RANBP17: variants seen among roughly 807,000 people sequenced by gnomAD.
RANBP17 encodes the protein ran-binding protein 17.
Under a neutral mutation model 141.2 loss-of-function variants are expected in RANBP17, and 158 were observed. The observed-to-expected ratio is 1.12, with a 90% CI of 0.98 to 1.28. The LOEUF (loss-of-function observed/expected upper bound fraction) is 1.28, where lower values mean the gene tolerates loss of function less well. RANBP17 is among the 50% of genes most tolerant of loss of function. The pLI, the probability that RANBP17 is intolerant of heterozygous loss-of-function variation, is 0.00. For synonymous variants in RANBP17, 430 were observed against 450.0 expected, an observed-to-expected ratio of 0.96 and a Z score of 0.56; for missense variants, 1,438 against 1,290.7, an observed-to-expected ratio of 1.11 and a Z score of -1.75.
intron 14 of RANBP17, among the ~76,000 whole-genome samples, chr5:171,061,976 T>G (rs1279426919): frequency 1.3e-5 from 2 of 152,094 alleles, no homozygotes; most frequent in Admixed American, 6.5e-5. Context: ...AGACTAGGAT[T>G]GCAACCCCTG....
chr5:171,005,123 A>C (rs1779499827), intron 14 of RANBP17, among the ~76,000 whole-genome samples: 1 of 152,182 alleles, frequency 6.6e-6, no homozygotes, highest in Admixed American at 6.5e-5. Context: ...GATAAAATGC[A>C]TATTAAGAAT....
At chr5:171,249,774 A>G (rs1263053100) in intron 24 of RANBP17, among the ~76,000 whole-genome samples, 7 of 152,200 alleles carry the variant, frequency 4.6e-5, no homozygotes, top group Admixed American at 3.3e-4. Context: ...GAAACAACAT[A>G]AAGTGATTGA....
intron 14 of RANBP17, among the ~76,000 whole-genome samples, chr5:171,134,925 TAAAATA>T (rs956271574): frequency 2.7e-5 from 4 of 148,396 alleles, no homozygotes; most frequent in African/African-American, 1.0e-4. Context: ...CTGTCTCAAA[TAAAATA>T]AAAATAAATT....
intron 14 of RANBP17, among the ~76,000 whole-genome samples, chr5:171,107,414 C>T (rs1349302258): frequency 6.6e-6 from 1 of 152,154 alleles, no homozygotes; most frequent in Non-Finnish European, 1.5e-5. Flanking sequence ...GTATTGAGTG[C>T]AAGCAACAAA....
At chr5:170,863,631 A>T (rs1767000706) in intron 1 of RANBP17, 1 of 152,222 alleles carries the variant, frequency 6.6e-6, no homozygotes, top group African/African-American at 2.4e-5. Context: ...ATGGATTGTA[A>T]ATAGGTAATC....
At chr5:171,176,515 G>A (rs560014373) in intron 16 of RANBP17, among the ~76,000 whole-genome samples, 13 of 152,174 alleles carry the variant, frequency 8.5e-5, no homozygotes, top group South Asian at 8.3e-4. Context: ...CCCTGCCCTC[G>A]TGGATTTTAA....
intron 14 of RANBP17, among the ~76,000 whole-genome samples, chr5:171,060,737 G>A (rs1783771479): frequency 6.6e-6 from 1 of 152,124 alleles, no homozygotes; most frequent in East Asian, 1.9e-4. Context: ...CAGGAGGAAT[G>A]GTACCAGTTC....
intron 14 of RANBP17, among the ~76,000 whole-genome samples, chr5:171,074,680 T>C (rs1386899556): frequency 1.3e-5 from 2 of 152,252 alleles, no homozygotes; most frequent in Non-Finnish European, 1.5e-5. Context: ...TGCAAATGAA[T>C]GAGCATCTCT....
rs1410928297 is a variant in RANBP17 at position 170,955,619 on chromosome 5, ATATATATATATATATATATATGCTCAGTG to A, written c.1574+1939_1574+1967del. 9.4e-3 allele frequency among the ~76,000 whole-genome samples: 134 copies of A among 14,324 alleles called. 2 individuals carry two copies. Among genetic ancestry groups the A allele is most frequent in the African/African-American group, 0.023 (128 of 5,512 alleles). 9.4% of individuals were successfully genotyped at this position (14,324 alleles called of 152,430 possible). On this transcript the variant is annotated intron_variant, in intron 13 of 27. Coordinates refer to ENST00000523189, the MANE Select transcript of RANBP17 (RefSeq NM_022897.5). ...ATATATATATATATATGCTCAGTGT[ATATATATATATATATATATATGCTCAGTG>A]TATATATATATATATATATATATAT...
chr5:170,892,148 T>TA (rs1491119334), intron 3 of RANBP17, among the ~76,000 whole-genome samples: 3 of 120,766 alleles, frequency 2.5e-5, no homozygotes, highest in African/African-American at 9.1e-5. Context: ...TTTTTTTTTT[T>TA]ACATTAAGTT....
chr5:171,007,689 C>T (rs181925951), intron 14 of RANBP17, among the ~76,000 whole-genome samples: 4 of 152,080 alleles, frequency 2.6e-5, no homozygotes, highest in Admixed American at 6.5e-5. Flanking sequence ...ATCTAGGTCT[C>T]GTAGGATGGA....
chr5:171,280,446 T>C (rs1289211012), intron 25 of RANBP17, among the ~76,000 whole-genome samples: 1 of 152,126 alleles, frequency 6.6e-6, no homozygotes, highest in Non-Finnish European at 1.5e-5. Context: ...CCCAGCTAAT[T>C]TTTTTGTATT....
intron 14 of RANBP17, among the ~76,000 whole-genome samples, chr5:171,055,672 G>A (rs190488084): frequency 6.6e-6 from 1 of 151,788 alleles, no homozygotes; most frequent in East Asian, 1.9e-4. Context: ...AGATAACTTG[G>A]GGCTTCTGGA....
chr5:171,091,639 G>A (rs1468174768), intron 14 of RANBP17, among the ~76,000 whole-genome samples: 1 of 152,194 alleles, frequency 6.6e-6, no homozygotes, highest in Non-Finnish European at 1.5e-5. Context: ...ATTCCCATGT[G>A]TTGTGGGAGG....
chr5:171,227,570 T>C (rs1219635740), intron 22 of RANBP17, among the ~76,000 whole-genome samples: 1 of 152,184 alleles, frequency 6.6e-6, no homozygotes, highest in Non-Finnish European at 1.5e-5. Flanking sequence ...CTGCAGCGAG[T>C]TATCATGAAG....
chr5:171,081,474 CTG>C lies in RANBP17; in HGVS notation c.1711-88655_1711-88654del, dbSNP rs550217669. Among the ~76,000 whole-genome samples, 40 of 152,270 alleles carry C rather than the reference CTG, an allele frequency of 2.6e-4. No individual in the cohort carries two copies. The East Asian group carries it at 6.9e-3, about 26-fold the overall frequency. On this transcript the variant is annotated intron_variant, in intron 14 of 27. Transcript: ENST00000523189. ...CTAATGCCAAGTGTTGAAATATTAA[CTG>C]AACGTATCATGTAGTGTCCTTTGTT...
At chr5:171,138,123 A>C (rs1049900343) in intron 14 of RANBP17, among the ~76,000 whole-genome samples, 29 of 152,114 alleles carry the variant, frequency 1.9e-4, no homozygotes, top group Admixed American at 1.9e-3. Flanking sequence ...TTAGACCCAA[A>C]TTCTAGGATT....
intron 14 of RANBP17, among the ~76,000 whole-genome samples, chr5:171,079,118 G>A (rs1785110735): frequency 6.6e-6 from 1 of 152,174 alleles, no homozygotes; most frequent in Non-Finnish European, 1.5e-5. Flanking sequence ...ACTCTGAAAG[G>A]AGTTGATTCT....
chr5:171,290,095 G>A (rs1440476542), intron 25 of RANBP17, among the ~76,000 whole-genome samples: 1 of 152,058 alleles, frequency 6.6e-6, no homozygotes, highest in African/African-American at 2.4e-5. Context: ...CGGGCCAGAC[G>A]CAGTGGCTCA....
Sources: gnomAD v4.1 joint callset for allele counts (sites outside exome capture counted in the v4.1 genomes callset) on GRCh38, gnomAD v4.1.1 for gene constraint, MANE v1.5 for transcripts, NCBI Gene and HGNC (gene_info 2026-07-23, HGNC 2026-07-21) for gene names.